ADGRL3: variants seen among roughly 807,000 people sequenced by gnomAD.
ADGRL3 encodes calcium-independent alpha-latrotoxin receptor 3.
A neutral mutation model predicts 153.5 loss-of-function variants in ADGRL3; 62 were observed. The ratio of observed to expected loss-of-function variants is 0.40; its 90% CI spans 0.33 to 0.50. The LOEUF is 0.50. Ranked by LOEUF, ADGRL3 falls within the 20% of genes least tolerant of loss-of-function variation. The probability of loss-of-function intolerance (pLI) is 0.47; values close to 1 mark genes in which losing one functional copy is unlikely to be tolerated. For missense variants in ADGRL3, 1,641 were observed against 1,859.4 expected, an observed-to-expected ratio of 0.88 and a Z score of 2.16; for synonymous variants, 710 against 672.5, an observed-to-expected ratio of 1.06 and a Z score of -0.86.
chr4:61,240,031 A>G (rs537202894), intron 1 of ADGRL3, among the ~76,000 whole-genome samples: 6 of 152,112 alleles, frequency 3.9e-5, no homozygotes, highest in African/African-American at 1.2e-4. Context: ...AATATCTGAG[A>G]GTAGGTGGTT....
intron 9 of ADGRL3, among the ~76,000 whole-genome samples, chr4:61,833,382 C>T (rs762239997): frequency 1.3e-5 from 2 of 152,158 alleles, no homozygotes; most frequent in African/African-American, 2.4e-5. Context: ...CGCTGAGAGC[C>T]AGCTGTGTGG....
chr4:61,300,595 A>T (rs1012461057), intron 1 of ADGRL3, among the ~76,000 whole-genome samples: 8 of 152,268 alleles, frequency 5.3e-5, no homozygotes, highest in Admixed American at 3.3e-4. Context: ...AAAGTTGAGT[A>T]CACAAATTAC....
chr4:61,459,875 G>A lies in ADGRL3; in HGVS notation c.-173-37246G>A, dbSNP rs570774364. 7.6e-4 allele frequency among the ~76,000 whole-genome samples: 115 copies of A among 152,134 alleles called. 1 individual carries two copies. The highest frequency in any genetic ancestry group is 1.4e-3 in the Non-Finnish European group (97 of 67,972). Reference sequence around the variant, plus strand: ...GATCATTTTTGTAATGTATCTGTTGGTCATTTGTATGCTGTCTTTGCCTAT... The same window carrying A: ...GATCATTTTTGTAATGTATCTGTTGATCATTTGTATGCTGTCTTTGCCTAT... On this transcript the variant is annotated intron_variant, in intron 2 of 26. Coordinates refer to ENST00000683033, the MANE Select transcript of ADGRL3 (RefSeq NM_001387552.1).
chr4:61,374,403 T>C (rs567138013), intron 1 of ADGRL3, among the ~76,000 whole-genome samples: 1 of 152,254 alleles, frequency 6.6e-6, no homozygotes, highest in Non-Finnish European at 1.5e-5. Flanking sequence ...TGAGTTGAAT[T>C]TTAGTGCAGT....
At chr4:61,788,512 G>A (rs894081721) in intron 8 of ADGRL3, among the ~76,000 whole-genome samples, 4 of 152,122 alleles carry the variant, frequency 2.6e-5, no homozygotes, top group East Asian at 1.9e-4. Flanking sequence ...GGATCACCCC[G>A]TGGGACAAAA....
chr4:61,276,033 C>T (rs1398573559), intron 1 of ADGRL3, among the ~76,000 whole-genome samples: 1 of 152,118 alleles, frequency 6.6e-6, no homozygotes, highest in Non-Finnish European at 1.5e-5. Flanking sequence ...AGGCCCAAAA[C>T]AGAAAGACGG....
intron 2 of ADGRL3, among the ~76,000 whole-genome samples, chr4:61,430,625 C>T (rs1252055392): frequency 6.6e-6 from 1 of 151,952 alleles, no homozygotes; most frequent in African/African-American, 2.4e-5. Context: ...TACTTAAAAC[C>T]CACAATCAAT....
chr4:61,541,834 T>G (rs2098691570), intron 4 of ADGRL3, among the ~76,000 whole-genome samples: 1 of 101,792 alleles, frequency 9.8e-6, no homozygotes, highest in South Asian at 3.9e-4. Flanking sequence ...TATATATGTG[T>G]GTGTGTATAC....
intron 9 of ADGRL3, among the ~76,000 whole-genome samples, chr4:61,858,885 A>C (rs2149258840): frequency 6.6e-6 from 1 of 152,270 alleles, no homozygotes; most frequent in African/African-American, 2.4e-5. Context: ...AGAAAAGTCT[A>C]AAGCTGTGGC....
chr4:61,202,543 C>T lies in ADGRL3; in HGVS notation c.-240+778C>T, dbSNP rs1735219818. On this transcript the variant is annotated intron_variant, in intron 1 of 26. Coordinates refer to ENST00000683033, the MANE Select transcript of ADGRL3 (RefSeq NM_001387552.1). The surrounding 1 kb of genome is among the most constrained non-coding windows in gnomAD (Gnocchi z 5.0). Reference sequence around the variant, plus strand: ...GGCGGTGTTGCACGAATCCGGGCGGCCGCGGCGCCGGGGCGGGGTGGGCAG... The same window carrying T: ...GGCGGTGTTGCACGAATCCGGGCGGTCGCGGCGCCGGGGCGGGGTGGGCAG... Among the ~76,000 whole-genome samples the T allele has an allele frequency of 6.6e-6, 1 of 152,038 alleles. No individual in the cohort carries two copies. Among genetic ancestry groups the T allele is most frequent in the Non-Finnish European group, 1.5e-5 (1 of 68,002 alleles).
At chr4:61,337,849 G>C (rs1387551450) in intron 1 of ADGRL3, among the ~76,000 whole-genome samples, 1 of 152,046 alleles carries the variant, frequency 6.6e-6, no homozygotes, top group Non-Finnish European at 1.5e-5. Context: ...AACCTGCAAG[G>C]TTCTTATATG....
intron 17 of ADGRL3, among the ~76,000 whole-genome samples, chr4:61,966,844 C>CA (rs2099008735): frequency 6.6e-6 from 1 of 151,974 alleles, no homozygotes; most frequent in Non-Finnish European, 1.5e-5. Flanking sequence ...ATTGTAAAGT[C>CA]AAAAAATCAT....
chr4:61,729,746 G>A (rs1227256839), intron 6 of ADGRL3, among the ~76,000 whole-genome samples: 5 of 151,866 alleles, frequency 3.3e-5, no homozygotes, highest in Non-Finnish European at 7.4e-5. Context: ...TGTTTGATGA[G>A]TTTGTGAATA....
intron 4 of ADGRL3, among the ~76,000 whole-genome samples, chr4:61,538,367 G>A (rs1331585199): frequency 1.3e-5 from 2 of 152,120 alleles, no homozygotes; most frequent in African/African-American, 4.8e-5. Context: ...TGAGAGTGTG[G>A]AGGTCTTAGG....
intron 1 of ADGRL3, among the ~76,000 whole-genome samples, chr4:61,349,449 C>T (rs181263009): frequency 2.6e-5 from 4 of 152,176 alleles, no homozygotes; most frequent in Non-Finnish European, 5.9e-5. Context: ...AACAGCTCAA[C>T]AATTACCCAT....
At chr4:61,961,706 G>C (rs987052238) in intron 17 of ADGRL3, among the ~76,000 whole-genome samples, 1 of 152,164 alleles carries the variant, frequency 6.6e-6, no homozygotes, top group African/African-American at 2.4e-5. Context: ...TATTGAGAAA[G>C]ATAGTCTTTC....
chr4:61,384,589 G>T (rs893178700), intron 2 of ADGRL3, among the ~76,000 whole-genome samples: 6 of 151,620 alleles, frequency 4.0e-5, no homozygotes, highest in Non-Finnish European at 8.8e-5. Context: ...TACTACATTG[G>T]TTTCTTCAAT....
At chr4:61,298,555 C>T (rs1394182726) in intron 1 of ADGRL3, among the ~76,000 whole-genome samples, 2 of 152,182 alleles carry the variant, frequency 1.3e-5, no homozygotes, top group Non-Finnish European at 2.9e-5. Context: ...TTATCATTCA[C>T]ATTCTCTGCT....
chr4:61,506,163 A>G (rs144892246), intron 3 of ADGRL3, among the ~76,000 whole-genome samples: 1 of 152,216 alleles, frequency 6.6e-6, no homozygotes, highest in African/African-American at 2.4e-5. Context: ...TTGTTAAATG[A>G]GTAATTAGGC....
Sources: allele counts gnomAD v4.1 joint callset (sites outside exome capture counted in the v4.1 genomes callset), GRCh38; gene constraint gnomAD v4.1.1; non-coding constraint Gnocchi (gnomAD v3.1); transcripts MANE v1.5; gene names NCBI Gene and HGNC (gene_info 2026-07-23, HGNC 2026-07-21).